Variants in GRXCR1 observed in about 807,000 individuals in gnomAD.
GRXCR1 encodes the protein glutaredoxin and cysteine rich domain containing 1.
Under a neutral mutation model 27.3 loss-of-function variants are expected in GRXCR1, and 27 were observed. The ratio of observed to expected loss-of-function variants is 0.99; its 90% CI spans 0.73 to 1.37. The LOEUF (loss-of-function observed/expected upper bound fraction) is 1.37. Ranked by LOEUF, GRXCR1 falls within the 40% of genes most tolerant of loss-of-function variation. The pLI, the probability that GRXCR1 is intolerant of heterozygous loss-of-function variation, is 0.00. For missense variants in GRXCR1, 379 were observed against 354.4 expected, an observed-to-expected ratio of 1.07 and a Z score of -0.56; for synonymous variants, 122 against 131.1, an observed-to-expected ratio of 0.93 and a Z score of 0.47.
chr4:42,946,725 C>T (rs966220354), intron 1 of GRXCR1, among the ~76,000 whole-genome samples: 1 of 152,132 alleles, frequency 6.6e-6, no homozygotes, highest in African/African-American at 2.4e-5. Context: ...TAATCCCATT[C>T]ATGAGTTTTC....
intron 2 of GRXCR1, among the ~76,000 whole-genome samples, chr4:43,009,523 G>A (rs1487397644): frequency 6.6e-6 from 1 of 152,052 alleles, no homozygotes; most frequent in Non-Finnish European, 1.5e-5. Flanking sequence ...CCATAAACTG[G>A]TTGGCTTACA....
chr4:42,986,599 G>A (rs960652587), intron 2 of GRXCR1, among the ~76,000 whole-genome samples: 2 of 152,078 alleles, frequency 1.3e-5, no homozygotes, highest in Admixed American at 6.6e-5. Context: ...GCTGAATGCC[G>A]ATCTATACTT....
intron 1 of GRXCR1, among the ~76,000 whole-genome samples, chr4:42,954,306 A>G (rs1030859242): frequency 2.0e-5 from 3 of 152,270 alleles, no homozygotes; most frequent in African/African-American, 7.2e-5. Context: ...CGTAGGGATG[A>G]GTAATGGAAT....
At chr4:43,000,038 A>G (rs1712299865) in intron 2 of GRXCR1, among the ~76,000 whole-genome samples, 1 of 152,234 alleles carries the variant, frequency 6.6e-6, no homozygotes, top group African/African-American at 2.4e-5. Flanking sequence ...AATTCCAGAA[A>G]TAAGCAATTC....
At chr4:42,981,750 A>T (rs542580911) in intron 2 of GRXCR1, among the ~76,000 whole-genome samples, 1 of 152,238 alleles carries the variant, frequency 6.6e-6, no homozygotes, top group East Asian at 1.9e-4. Context: ...TTAATGTATC[A>T]TCCCCACTCT....
At chr4:42,956,604 T>C (rs1265150198) in intron 1 of GRXCR1, among the ~76,000 whole-genome samples, 2 of 152,072 alleles carry the variant, frequency 1.3e-5, no homozygotes, top group Non-Finnish European at 2.9e-5. Flanking sequence ...TTTCAGAACA[T>C]TTTACTGAAT....
At chr4:43,028,411 T>C (rs1713323746) in intron 3 of GRXCR1, among the ~76,000 whole-genome samples, 1 of 152,224 alleles carries the variant, frequency 6.6e-6, no homozygotes, top group South Asian at 2.1e-4. Flanking sequence ...TCTACTTTAC[T>C]AGGAACTCAG....
At chr4:42,895,840 C>T (rs1027830330) in intron 1 of GRXCR1, among the ~76,000 whole-genome samples, 1 of 151,894 alleles carries the variant, frequency 6.6e-6, no homozygotes, top group African/African-American at 2.4e-5. Context: ...AGTTATTATT[C>T]AGTTATTCCT....
intron 1 of GRXCR1, among the ~76,000 whole-genome samples, chr4:42,905,119 C>T (rs772861824): frequency 6.6e-6 from 1 of 152,188 alleles, no homozygotes; most frequent in Non-Finnish European, 1.5e-5. Flanking sequence ...GCGGCCAATT[C>T]CTCTCTTGGA....
intron 2 of GRXCR1, among the ~76,000 whole-genome samples, chr4:43,016,235 A>G (rs1192123775): frequency 2.0e-5 from 3 of 152,224 alleles, no homozygotes; most frequent in Admixed American, 1.3e-4. Flanking sequence ...AGACTCTGCT[A>G]GGATGTTTTA....
rs375939457 is a variant in GRXCR1 at position 43,028,502 on chromosome 4, C to T, written c.694-1859C>T. ...GTCCTTACTGTAGGACCTTGGCCAG[C>T]CCAGCATTTATTCTGACTTGATGCA... On this transcript the variant is annotated intron_variant, in intron 3 of 3. Transcript: ENST00000399770. Among the ~76,000 whole-genome samples the T allele has an allele frequency of 6.7e-4, 102 of 152,180 alleles. 1 individual carries two copies. The South Asian group carries it at 7.3e-3, about 11-fold the overall frequency.
rs112736765 is a variant in GRXCR1, at chr4:42,971,074, G to A, written c.627+7940G>A. ...AGTTCTGCAAATCTCCAGGGCAGGG[G>A]AAAGATGCCACCAGTCTCTTTGCTA... On this transcript the variant is annotated intron_variant, in intron 2 of 3. Coordinates refer to ENST00000399770, the MANE Select transcript of GRXCR1 (RefSeq NM_001080476.3). 4.2e-3 allele frequency among the ~76,000 whole-genome samples: 634 copies of A among 152,204 alleles called. 3 individuals are homozygous for A. Among genetic ancestry groups the A allele is most frequent in the African/African-American group, 0.014 (594 of 41,534 alleles).
chr4:43,021,795 G>A (rs1386256098), intron 3 of GRXCR1, among the ~76,000 whole-genome samples: 4 of 152,152 alleles, frequency 2.6e-5, no homozygotes, highest in East Asian at 3.8e-4. Flanking sequence ...AAAGCCATGC[G>A]ATACATACAG....
chr4:42,905,921 A>G (rs1432489614), intron 1 of GRXCR1, among the ~76,000 whole-genome samples: 1 of 152,138 alleles, frequency 6.6e-6, no homozygotes, highest in Admixed American at 6.6e-5. Flanking sequence ...CTGCCACACC[A>G]TTATCCAGGA....
chr4:42,922,090 T>A (rs188048775), intron 1 of GRXCR1, among the ~76,000 whole-genome samples: 13 of 152,258 alleles, frequency 8.5e-5, no homozygotes, highest in African/African-American at 2.9e-4. Flanking sequence ...TATTAAGAAG[T>A]TATAGATCAA....
At position 43,016,088 on chromosome 4, in the gene GRXCR1, C is replaced by G. The variant is rs141716627; in HGVS notation, c.628-4266C>G. On this transcript the variant is annotated intron_variant, in intron 2 of 3. Coordinates refer to ENST00000399770, the MANE Select transcript of GRXCR1 (RefSeq NM_001080476.3). ...TTAGCAATTCTTCCCTAAGACCTAACAGAGTATGCTAAATACAAGCTGATT... is the reference window on the plus strand; with the variant it reads ...TTAGCAATTCTTCCCTAAGACCTAAGAGAGTATGCTAAATACAAGCTGATT... 8.3e-3 allele frequency among the ~76,000 whole-genome samples: 1,265 copies of G among 152,272 alleles called. 17 individuals are homozygous for G. Among genetic ancestry groups the G allele is most frequent in the East Asian group, 0.022 (112 of 5,182 alleles).
chr4:42,991,150 A>G (rs1711959664), intron 2 of GRXCR1, among the ~76,000 whole-genome samples: 1 of 152,020 alleles, frequency 6.6e-6, no homozygotes. Context: ...AGCTGCCAGT[A>G]TTTTATTTAT....
chr4:42,893,018 T>C lies in GRXCR1; in HGVS notation c.-249T>C, dbSNP rs1226451902. Among the ~76,000 whole-genome samples, 1 of 152,148 alleles carries C rather than the reference T, an allele frequency of 6.6e-6. No homozygotes were observed. The highest frequency in any genetic ancestry group is 1.9e-4 in the East Asian group (1 of 5,176). ...TGTTAAAGAGTCCACCATGGCTATTTAATATTTAAAGGCTGAGATCATTTT... is the reference window on the plus strand; with the variant it reads ...TGTTAAAGAGTCCACCATGGCTATTCAATATTTAAAGGCTGAGATCATTTT... On this transcript the variant is annotated 5_prime_UTR_variant, in exon 1 of 4. An upstream open reading frame in the 5' UTR loses its in-frame stop. Transcript: ENST00000399770.
At chr4:42,902,736 G>A (rs758156885) in intron 1 of GRXCR1, among the ~76,000 whole-genome samples, 16 of 152,128 alleles carry the variant, frequency 1.1e-4, no homozygotes, top group Non-Finnish European at 2.4e-4. Flanking sequence ...TAGATGCTGG[G>A]CTTAACACCT....
Sources: gnomAD v4.1 joint callset for allele counts (sites outside exome capture counted in the v4.1 genomes callset) on GRCh38, gnomAD v4.1.1 for gene constraint, MANE v1.5 for transcripts, NCBI Gene and HGNC (gene_info 2026-07-23, HGNC 2026-07-21) for gene names.